The following TAF4 variants were observed in gnomAD, a reference collection of about 807,000 sequenced individuals.
The protein encoded by TAF4 is transcription initiation factor TFIID subunit 4.
TAF4 carries 9 observed loss-of-function variants against 90.3 expected under a neutral mutation model. The ratio of observed to expected loss-of-function variants is 0.10; its 90% CI spans 0.06 to 0.17. TAF4 has a LOEUF of 0.17. Among genes scored for constraint, TAF4 ranks in the 10% least tolerant of loss-of-function variants. TAF4 has a pLI of 1.00. For synonymous variants in TAF4, 818 were observed against 638.9 expected (o/e 1.28, Z -4.23); for missense variants, 1,351 against 1,370.7 (o/e 0.99, Z 0.23).
intron 1 of TAF4, among the ~76,000 whole-genome samples, chr20:62,057,368 C>A (rs2056070573): frequency 6.6e-6 from 1 of 152,230 alleles, no homozygotes; most frequent in Non-Finnish European, 1.5e-5. Flanking sequence ...CCCTTGGGAG[C>A]CACAGACCTT....
chr20:62,008,584 G>C (rs375757729), intron 5 of TAF4, among the ~76,000 whole-genome samples: 6 of 152,108 alleles, frequency 3.9e-5, no homozygotes, highest in African/African-American at 1.4e-4. Context: ...ACTGGAGCGC[G>C]AATGTGCCTC....
Position 62,012,934 on chromosome 20 carries a change from C to G in TAF4, c.1522G>C (p.Ala508Pro). The change falls in exon 3 of 15, where the codon GCA becomes CCA. Residue 508 changes from alanine (A) to proline (P), a missense_variant and splice_region_variant. Coordinates refer to ENST00000252996, the MANE Select transcript of TAF4 (RefSeq NM_003185.4). ...CGTGCAATGATAGGTGTTCCAGGTG[C>G]CTGAAAAATAAGCAGAGTCACCTAA... ...APPVQISTVQ[A>P]PGTPIIARQV... is the part of the protein sequence containing the mutation. 2 of 1,611,510 alleles carry G rather than the reference C, an allele frequency of 1.2e-6. 1 individual carries two copies. Among genetic ancestry groups the G allele is most frequent in the Non-Finnish European group, 1.7e-6 (2 of 1,179,346 alleles).
chr20:62,052,124 A>G (rs4925336), intron 1 of TAF4, among the ~76,000 whole-genome samples: 105,168 of 151,960 alleles, frequency 0.69, 36,498 homozygotes, highest in Middle Eastern at 0.8. Context: ...AGACGTGCCC[A>G]GGCCAACCAG....
chr20:62,044,503 G>C (rs534179062), intron 1 of TAF4, among the ~76,000 whole-genome samples: 1 of 152,174 alleles, frequency 6.6e-6, no homozygotes, highest in East Asian at 1.9e-4. Context: ...ACACAAAAAA[G>C]GATCATTTCA....
intron 1 of TAF4, among the ~76,000 whole-genome samples, chr20:62,057,149 T>C (rs777743863): frequency 6.6e-6 from 1 of 152,204 alleles, no homozygotes; most frequent in Non-Finnish European, 1.5e-5. Context: ...CCCGACCCCA[T>C]GGAACAAGGT....
intron 1 of TAF4, among the ~76,000 whole-genome samples, chr20:62,056,425 G>C (rs977870219): frequency 3.9e-5 from 6 of 152,154 alleles, no homozygotes; most frequent in African/African-American, 1.4e-4. Flanking sequence ...TTTTAAAAGT[G>C]TAATCTGGTG....
chr20:62,019,367 A>G (rs1187307129), intron 1 of TAF4, among the ~76,000 whole-genome samples: 1 of 152,248 alleles, frequency 6.6e-6, no homozygotes, highest in African/African-American at 2.4e-5. Context: ...GGCAGTAAAC[A>G]TTCTTCAGAA....
Position 61,991,280 on chromosome 20 carries a change from G to A in TAF4, c.3090+6270C>T, listed in dbSNP as rs368062939. ...CTAAAAATACAAAAAAATTAGCTGG[G>A]TGTGGTGGTGCACACCTGTAATCCC... On this transcript the variant is annotated intron_variant, in intron 14 of 14. Transcript: ENST00000252996. 5.8e-4 allele frequency among the ~76,000 whole-genome samples: 88 copies of A among 152,074 alleles called. 2 individuals carry two copies. In the South Asian group the frequency reaches 0.018, roughly 30 times the overall value.
At chr20:62,056,888 C>T (rs8184876) in intron 1 of TAF4, among the ~76,000 whole-genome samples, 14,994 of 152,148 alleles carry the variant, frequency 0.099, 1,196 homozygotes, top group East Asian at 0.44. Flanking sequence ...AAAAGCCAAT[C>T]GAGCCTGCTT....
At chr20:62,039,031 A>G (rs1043774482) in intron 1 of TAF4, among the ~76,000 whole-genome samples, 4 of 152,210 alleles carry the variant, frequency 2.6e-5, no homozygotes, top group Admixed American at 2.6e-4. Flanking sequence ...CCAGGAAAAG[A>G]TGTGAAAGAG....
At chr20:61,977,205 G>A (rs1262492775) in intron 14 of TAF4, among the ~76,000 whole-genome samples, 20 of 140,020 alleles carry the variant, frequency 1.4e-4, no homozygotes, top group Admixed American at 5.0e-4. Context: ...AGCGGGGCGC[G>A]CGCCACACAC....
chr20:62,051,925 T>C (rs942923678), intron 1 of TAF4, among the ~76,000 whole-genome samples: 4 of 152,146 alleles, frequency 2.6e-5, no homozygotes, highest in East Asian at 1.9e-4. Flanking sequence ...CACCCCTTCC[T>C]GGACAAACCA....
At chr20:62,045,402 G>A (rs1214998558) in intron 1 of TAF4, among the ~76,000 whole-genome samples, 2 of 152,178 alleles carry the variant, frequency 1.3e-5, no homozygotes, top group African/African-American at 4.8e-5. Context: ...TTTCAACAGC[G>A]CGCCTGTTTG....
intron 1 of TAF4, among the ~76,000 whole-genome samples, chr20:62,026,993 G>T (rs544115766): frequency 1.3e-5 from 2 of 152,166 alleles, no homozygotes; most frequent in African/African-American, 2.4e-5. Context: ...ATTCCTCTGC[G>T]ACTCAACAGG....
chr20:61,993,878 G>A (rs202008056), intron 14 of TAF4, among the ~76,000 whole-genome samples: 6 of 152,114 alleles, frequency 3.9e-5, no homozygotes, highest in Non-Finnish European at 5.9e-5. Context: ...TCAGCCTCCC[G>A]AGTAGCTGGA....
intron 14 of TAF4, 105 bp from the exon 15 acceptor site, chr20:61,976,440 G>A: frequency 7.4e-7 from 1 of 1,355,606 alleles, no homozygotes; most frequent in South Asian, 1.3e-5. Flanking sequence ...AGGAGGCCAG[G>A]CCTGGCACGG....
rs147291976 is a variant in TAF4, at chr20:62,010,145, G to T, written c.1662C>A (p.Gly554=). ...TCCCAAGTGAAGCCGTCTGGGCAGCGCCACCCAGAACGAGCTGAGGCTACA... is the reference window on the plus strand; with the variant it reads ...TCCCAAGTGAAGCCGTCTGGGCAGCTCCACCCAGAACGAGCTGAGGCTACA... ...PGVQPQLVLG[G]AAQTASLGTA... is the part of the protein sequence containing the mutation. Residue 554 remains glycine (G), a synonymous_variant, in exon 4 of 15, where the codon GGC becomes GGA. Transcript: ENST00000252996. The surrounding 1 kb of genome is among the most constrained non-coding windows in gnomAD (Gnocchi z 4.5). 90 of 1,613,842 alleles carry T rather than the reference G, an allele frequency of 5.6e-5. No homozygotes were observed. The African/African-American group carries it at 9.1e-4, about 16-fold the overall frequency.
At chr20:61,977,522 G>C (rs373653482) in intron 14 of TAF4, among the ~76,000 whole-genome samples, 2 of 151,672 alleles carry the variant, frequency 1.3e-5, no homozygotes, top group Non-Finnish European at 2.9e-5. Flanking sequence ...CCCCTTCCCC[G>C]TTCTGCCACT....
intron 6 of TAF4, 129 bp downstream of exon 6, chr20:62,007,418 C>A: frequency 2.5e-6 from 2 of 809,836 alleles, no homozygotes; most frequent in Non-Finnish European, 3.9e-6. Context: ...CCCGGCCCCA[C>A]CCCCGTAGGC....
Sources: allele counts gnomAD v4.1 joint callset (sites outside exome capture counted in the v4.1 genomes callset), GRCh38; gene constraint gnomAD v4.1.1; non-coding constraint Gnocchi (gnomAD v3.1); transcripts MANE v1.5; gene names NCBI Gene and HGNC (gene_info 2026-07-23, HGNC 2026-07-21).